The following MAGI2 variants were observed in gnomAD, a reference collection of about 807,000 sequenced individuals.
MAGI2 encodes the protein membrane associated guanylate kinase, WW and PDZ domain containing 2.
MAGI2 carries 35 observed loss-of-function variants against 133.3 expected under a neutral mutation model. The ratio of observed to expected loss-of-function variants is 0.26; its 90% CI spans 0.20 to 0.35. The LOEUF (loss-of-function observed/expected upper bound fraction) is 0.35. Ranked by LOEUF, MAGI2 falls within the 10% of genes least tolerant of loss-of-function variation. MAGI2 has a pLI of 1.00. For missense variants in MAGI2, 1,636 were observed against 1,863.4 expected (o/e 0.88, Z 2.25); for synonymous variants, 729 against 710.6 (o/e 1.03, Z -0.41).
chr7:78,857,746 A>G (rs950456522), intron 2 of MAGI2, among the ~76,000 whole-genome samples: 1 of 152,200 alleles, frequency 6.6e-6, no homozygotes, highest in Non-Finnish European at 1.5e-5. Flanking sequence ...AGGCTTTGGT[A>G]TCAGGATGAT....
chr7:79,409,547 C>T (rs139611651), intron 1 of MAGI2, among the ~76,000 whole-genome samples: 8 of 151,792 alleles, frequency 5.3e-5, no homozygotes, highest in South Asian at 2.1e-4. Context: ...GAGAACTGAA[C>T]GGTTATTAAA....
intron 2 of MAGI2, among the ~76,000 whole-genome samples, chr7:78,677,716 C>A (rs1010704296): frequency 6.6e-6 from 1 of 152,086 alleles, no homozygotes; most frequent in African/African-American, 2.4e-5. Flanking sequence ...AATTAGAACT[C>A]TTTGGCATTT....
intron 1 of MAGI2, among the ~76,000 whole-genome samples, chr7:79,419,371 G>T (rs1846773942): frequency 6.6e-6 from 1 of 151,924 alleles, no homozygotes; most frequent in Non-Finnish European, 1.5e-5. Flanking sequence ...AAGAACATAA[G>T]GGAAAAGGTC....
intron 1 of MAGI2, among the ~76,000 whole-genome samples, chr7:79,192,399 G>A (rs1166335659): frequency 2.0e-5 from 3 of 151,684 alleles, no homozygotes; most frequent in African/African-American, 7.3e-5. Context: ...CAACCATTTA[G>A]AATGGTTAAT....
chr7:78,864,579 TC>T lies in MAGI2; in HGVS notation c.418+142510del, dbSNP rs1440052746. On this transcript the variant is annotated intron_variant, in intron 2 of 21. Transcript: ENST00000354212. ...AAATGTCACTGCCATTGAGTACTGT[TC>T]CTTGTCTGCATTCCATTTTCTGTCT... 3.3e-5 allele frequency among the ~76,000 whole-genome samples: 5 copies of T among 152,318 alleles called. No individual in the cohort carries two copies. The East Asian group carries it at 9.6e-4, about 29-fold the overall frequency.
At chr7:78,396,141 C>A (rs569363186) in intron 6 of MAGI2, among the ~76,000 whole-genome samples, 1 of 152,024 alleles carries the variant, frequency 6.6e-6, no homozygotes, top group Admixed American at 6.6e-5. Context: ...TTAAAGCAAC[C>A]CTTTTAAGAT....
chr7:78,160,730 G>T (rs770716616), intron 15 of MAGI2, among the ~76,000 whole-genome samples: 4 of 152,220 alleles, frequency 2.6e-5, no homozygotes, highest in Non-Finnish European at 5.9e-5. Context: ...TGTTTTCTCA[G>T]TAGGTCTGGG....
At position 78,521,577 on chromosome 7, in the gene MAGI2, T is replaced by C; in HGVS notation, c.607A>G (p.Ile203Val). 1 of 1,614,174 alleles carries C rather than the reference T, an allele frequency of 6.2e-7. No homozygotes were observed. ...APLLLNVTDQ[I>V]LPGATPSAEG... is the part of the protein sequence containing the mutation. ...GCACTTGGAGTGGCTCCTGGAAGTATCTGGTCTGTTACATTTAACAATAAT... is the reference window on the plus strand; with the variant it reads ...GCACTTGGAGTGGCTCCTGGAAGTACCTGGTCTGTTACATTTAACAATAAT... The change falls in exon 4 of 22, where the codon ATA (isoleucine) becomes GTA (valine). Residue 203 changes from isoleucine to valine, a missense_variant. Ile to Val is a conservative substitution (Grantham distance 29, BLOSUM62 3). This residue lies in a region of MAGI2 where 165 missense variants were observed against 128.4 expected (regional missense o/e 1.28). Coordinates refer to ENST00000354212, the MANE Select transcript of MAGI2 (RefSeq NM_012301.4).
At chr7:79,181,556 G>A (rs185119071) in intron 1 of MAGI2, among the ~76,000 whole-genome samples, 13 of 152,016 alleles carry the variant, frequency 8.6e-5, no homozygotes, top group Middle Eastern at 3.4e-3. Context: ...CTAAACCTCC[G>A]GGCCTGTGAT....
chr7:78,314,877 T>C (rs978084610), intron 9 of MAGI2, among the ~76,000 whole-genome samples: 2 of 152,206 alleles, frequency 1.3e-5, no homozygotes, highest in African/African-American at 4.8e-5. Flanking sequence ...ATTCAATTGA[T>C]TGTGGTTGTT....
intron 7 of MAGI2, among the ~76,000 whole-genome samples, chr7:78,364,591 A>C (rs1260244604): frequency 6.6e-6 from 1 of 152,240 alleles, no homozygotes; most frequent in Non-Finnish European, 1.5e-5. Flanking sequence ...CTCCACTATC[A>C]TTTTAACTAC....
chr7:78,954,687 A>G (rs1802147388), intron 2 of MAGI2, among the ~76,000 whole-genome samples: 1 of 152,166 alleles, frequency 6.6e-6, no homozygotes, highest in African/African-American at 2.4e-5. Context: ...TTTTCCCTGC[A>G]TACTGCATAA....
intron 9 of MAGI2, among the ~76,000 whole-genome samples, chr7:78,320,875 C>T (rs974211654): frequency 2.6e-5 from 4 of 152,152 alleles, no homozygotes; most frequent in Non-Finnish European, 4.4e-5. Flanking sequence ...TAGAAAACCC[C>T]ATGGTCTCAG....
chr7:78,610,097 C>T (rs996132682), intron 3 of MAGI2, among the ~76,000 whole-genome samples: 47 of 152,130 alleles, frequency 3.1e-4, no homozygotes, highest in African/African-American at 1.1e-3. Context: ...ATTCCTGGAT[C>T]TGTGAATCTT....
intron 1 of MAGI2, among the ~76,000 whole-genome samples, chr7:79,057,721 C>G (rs1286845894): frequency 6.6e-6 from 1 of 152,104 alleles, no homozygotes. Flanking sequence ...GTTCCGAGAA[C>G]CGATTCACAT....
chr7:79,101,723 CAAAAAAAAA>C (rs376256842), intron 1 of MAGI2, among the ~76,000 whole-genome samples: 1 of 112,782 alleles, frequency 8.9e-6, no homozygotes, highest in African/African-American at 3.7e-5. Context: ...GACTCTGTCA[CAAAAAAAAA>C]AAAAAAAAGA....
At chr7:78,986,252 A>T (rs552096729) in intron 2 of MAGI2, among the ~76,000 whole-genome samples, 6 of 152,092 alleles carry the variant, frequency 3.9e-5, no homozygotes, top group African/African-American at 1.4e-4. Context: ...ATACGGGAAA[A>T]ATGATGTAGA....
intron 3 of MAGI2, among the ~76,000 whole-genome samples, chr7:78,601,265 T>C (rs1324934381): frequency 2.0e-5 from 3 of 152,104 alleles, no homozygotes; most frequent in East Asian, 1.9e-4. Flanking sequence ...CAAGTGTACA[T>C]GTATAATGAA....
At chr7:78,161,987 G>GGAACACATCATCCAAA (rs142253752) in intron 15 of MAGI2, among the ~76,000 whole-genome samples, 14,981 of 152,154 alleles carry the variant, frequency 0.098, 799 homozygotes, top group East Asian at 0.17. Context: ...CCTCCCTGCT[G>GGAACACATCATCCAAA]GACAAGTTGT....
Sources: gnomAD v4.1 joint callset for allele counts (sites outside exome capture counted in the v4.1 genomes callset) on GRCh38, gnomAD v4.1.1 for gene constraint, gnomAD v4.1.1 regional missense constraint, MANE v1.5 for transcripts, NCBI Gene and HGNC (gene_info 2026-07-23, HGNC 2026-07-21) for gene names.